The following LINS1 variants were observed in gnomAD, a reference collection of about 807,000 sequenced individuals.
The protein encoded by LINS1 is lines homolog 1, also known as protein Lines homolog 1.
Under a neutral mutation model 41.6 loss-of-function variants are expected in LINS1, and 27 were observed. The observed-to-expected ratio is 0.65, with a 90% CI of 0.48 to 0.89. The LOEUF is 0.89. Among genes scored for constraint, LINS1 ranks in the 40% least tolerant of loss-of-function variants. LINS1 has a pLI of 0.00. For missense variants in LINS1, 955 were observed against 884.1 expected (o/e 1.08, Z -1.02); for synonymous variants, 336 against 312.9 (o/e 1.07, Z -0.78).
chr15:100,601,076 G>A (rs547941171), intron 1 of LINS1, among the ~76,000 whole-genome samples: 2 of 152,258 alleles, frequency 1.3e-5, no homozygotes, highest in South Asian at 4.1e-4. Context: ...CAGAGGCTTT[G>A]CATTTCTAAT....
chr15:100,570,232 C>T, intron 6 of LINS1, 115 bp from the exon 7 acceptor site: 1 of 840,470 alleles, frequency 1.2e-6, no homozygotes, highest in Non-Finnish European at 1.8e-6. Flanking sequence ...TAAATCTATG[C>T]ATCACTTCTT....
chr15:100,588,292 C>A (rs182866795), intron 1 of LINS1, among the ~76,000 whole-genome samples: 112 of 152,330 alleles, frequency 7.4e-4, no homozygotes, highest in African/African-American at 2.6e-3. Flanking sequence ...TGTACTTTCT[C>A]TTTTCACAAT....
intron 1 of LINS1, among the ~76,000 whole-genome samples, chr15:100,600,665 A>G (rs779030042): frequency 6.6e-6 from 1 of 151,810 alleles, no homozygotes; most frequent in Non-Finnish European, 1.5e-5. Flanking sequence ...ATTATAATTC[A>G]GCTACTAATT....
rs141962847 is a variant in LINS1 at position 100,572,003 on chromosome 15, G to A, written c.1285C>T (p.Leu429=). 1,441 of 1,614,208 alleles carry A rather than the reference G, an allele frequency of 8.9e-4. 10 individuals carry two copies. The African/African-American group carries it at 0.015, about 17-fold the overall frequency. The change falls in exon 6 of 7, where the codon CTG becomes TTG. Residue 429 remains leucine, a synonymous_variant. Coordinates refer to ENST00000314742, the MANE Select transcript of LINS1 (RefSeq NM_001040616.3). Reference sequence around the variant, plus strand: ...CATTTGCACGGATTGTGTAATTGCAGAGAGGGCTGAAGATGAGGCTTTAAG... The same window carrying A: ...CATTTGCACGGATTGTGTAATTGCAAAGAGGGCTGAAGATGAGGCTTTAAG... The part of the protein sequence containing the change: ...TFLKPHLQPS[L]QLHNPCKWLS...
intron 1 of LINS1, among the ~76,000 whole-genome samples, chr15:100,588,557 A>T (rs970230109): frequency 5.3e-5 from 8 of 152,230 alleles, no homozygotes; most frequent in African/African-American, 1.9e-4. Flanking sequence ...ACAAATGTAA[A>T]CATTTGGTCT....
chr15:100,569,519 C>A lies in LINS1; in HGVS notation c.1993G>T (p.Gly665Trp). The change falls in exon 7 of 7, where the codon GGG becomes TGG. Residue 665 changes from glycine to tryptophan, a missense_variant. Gly to Trp is a radical substitution (Grantham distance 184). Transcript: ENST00000314742. ...AATTCTTTTTTATCCCTGCTTGTCCCAGCTGCATCCTGAATCTCCTTAGTT... is the reference window on the plus strand; with the variant it reads ...AATTCTTTTTTATCCCTGCTTGTCCAAGCTGCATCCTGAATCTCCTTAGTT... ...QATKEIQDAA[G>W]TSRDKKEFSL... 1.2e-6 allele frequency: 2 copies of A among 1,614,222 alleles called. No individual in the cohort carries two copies. Among genetic ancestry groups the A allele is most frequent in the Non-Finnish European group, 1.7e-6 (2 of 1,180,038 alleles).
At position 100,580,284 on chromosome 15, in the gene LINS1, T is replaced by C. The variant is rs759906898; in HGVS notation, c.468A>G (p.Leu156=). Residue 156 remains leucine (L), a synonymous_variant, in exon 3 of 7, where the codon CTA becomes CTG. Transcript: ENST00000314742. ...HMAAQCLALL[L]YFQLREKITL... ...TTACCTTTTCTCTCAATTGGAAATA[T>C]AGAAGCAATGCAAGGCACTGTGCAG... 18 of 1,608,538 alleles carry C rather than the reference T, an allele frequency of 1.1e-5. No individual in the cohort carries two copies. The highest frequency in any genetic ancestry group is 5.3e-5 in the African/African-American group (4 of 74,778).
At chr15:100,574,815 CTTT>C (rs201916286) in intron 4 of LINS1, among the ~76,000 whole-genome samples, 169 bp downstream of exon 4, 2 of 152,076 alleles carry the variant, frequency 1.3e-5, no homozygotes, top group African/African-American at 4.8e-5. Context: ...TTTCCTTATA[CTTT>C]TTTTTCTTTT....
intron 1 of LINS1, among the ~76,000 whole-genome samples, chr15:100,600,754 A>G (rs1292546825): frequency 6.6e-6 from 1 of 152,210 alleles, no homozygotes; most frequent in Non-Finnish European, 1.5e-5. Flanking sequence ...AAAATTAAAA[A>G]GCTGAATCTA....
chr15:100,595,368 C>T (rs1195295303), intron 1 of LINS1, among the ~76,000 whole-genome samples: 1 of 151,794 alleles, frequency 6.6e-6, no homozygotes, highest in East Asian at 1.9e-4. Context: ...CAAAATGGAT[C>T]AGACATGCAC....
chr15:100,599,324 AG>A (rs2039373390), intron 1 of LINS1, among the ~76,000 whole-genome samples: 1 of 152,266 alleles, frequency 6.6e-6, no homozygotes, highest in East Asian at 1.9e-4. Flanking sequence ...CAAATCTGAT[AG>A]CACCAATTCA....
intron 1 of LINS1, among the ~76,000 whole-genome samples, chr15:100,600,299 G>A (rs948896099): frequency 2.0e-5 from 3 of 152,038 alleles, no homozygotes; most frequent in African/African-American, 7.3e-5. Flanking sequence ...TCTTTATCAT[G>A]CTGGCTCAGG....
In LINS1 at chr15:100,570,004, C is replaced by G; in HGVS notation, c.1508G>C (p.Gly503Ala). Residue 503 changes from glycine (G) to alanine (A), a missense_variant, in exon 7 of 7, where the codon GGA becomes GCA. Transcript: ENST00000314742. ...GTCAAGAAGAACTGTGGAATCAAAT[C>G]CTATATTTTTCAAGAAGAACAAGAA... is the stretch of plus-strand genomic sequence containing the variant. Reference protein sequence around the residue: ...CIFLFFLKNIGFDSTVLLDFL... With the variant: ...CIFLFFLKNIAFDSTVLLDFL... The G allele has an allele frequency of 6.4e-7, 1 of 1,556,696 alleles. No individual in the cohort carries two copies. The highest frequency in any genetic ancestry group is 8.7e-7 in the Non-Finnish European group (1 of 1,155,332).
Position 100,571,975 on chromosome 15 carries a change from A to G in LINS1, c.1313T>C (p.Leu438Pro). The G allele has an allele frequency of 6.2e-7, 1 of 1,614,252 alleles. No homozygotes were observed. The part of the protein sequence containing the change: ...SLQLHNPCKW[L>P]SRVFIEQDDD... ...GTCTTGTTCTATGAAAACCCGAGACAGCCATTTGCACGGATTGTGTAATTG... is the reference window on the plus strand; with the variant it reads ...GTCTTGTTCTATGAAAACCCGAGACGGCCATTTGCACGGATTGTGTAATTG... Residue 438 changes from leucine to proline, a missense_variant, in exon 6 of 7, where the codon CTG becomes CCG. By Grantham distance (98) the Leu-to-Pro change is moderately conservative (BLOSUM62 -3). Coordinates refer to ENST00000314742, the MANE Select transcript of LINS1 (RefSeq NM_001040616.3).
intron 3 of LINS1, among the ~76,000 whole-genome samples, chr15:100,578,744 T>TG (rs2038343825): frequency 6.6e-6 from 1 of 152,196 alleles, no homozygotes; most frequent in African/African-American, 2.4e-5. Context: ...ATTGTGGCAC[T>TG]ACTCACAATA....
rs769872365 is a variant in LINS1 at position 100,567,587 on chromosome 15, C to T, written c.*1651G>A. 6.6e-6 allele frequency: 1 copy of T among 152,156 alleles called. No individual in the cohort carries two copies. The highest frequency in any genetic ancestry group is 2.4e-5 in the African/African-American group (1 of 41,428). 9.4% of individuals were successfully genotyped at this position (152,156 alleles called of 1,614,324 possible). A position where few individuals can be genotyped will look rare whatever the true frequency, so the allele number is the denominator to read the frequency against. ...TTCACATCCACAAACGTGCATAGAA[C>T]GCATCTACCATTCCACTGACTATAC... On this transcript the variant is annotated 3_prime_UTR_variant, in exon 7 of 7. Transcript: ENST00000314742.
At chr15:100,572,915 A>G in intron 5 of LINS1, 1 of 686,262 alleles carries the variant, frequency 1.5e-6, no homozygotes, top group Non-Finnish European at 1.8e-6. Flanking sequence ...ATTAATACAA[A>G]TGGGGTGGGG....
chr15:100,569,277 G>C lies in LINS1; in HGVS notation c.2235C>G (p.Tyr745Ter). The C allele has an allele frequency of 6.2e-7, 1 of 1,606,468 alleles. No homozygotes were observed. Among genetic ancestry groups the C allele is most frequent in the Non-Finnish European group, 8.5e-7 (1 of 1,173,100 alleles). Reference protein sequence around the residue: ...NPTALLKLLKYIEVISNKTMN... With the variant: ...NPTALLKLLK ...TAGTTTTATTACTTATCACCTCTAT[G>C]TATTTTAACAACTTCAAAAGTGCAG... Residue 745 changes from tyrosine (Y) to a stop codon, truncating the protein, a stop_gained, in exon 7 of 7, where the codon TAC (tyrosine) becomes TAG (stop). Coordinates refer to ENST00000314742, the MANE Select transcript of LINS1 (RefSeq NM_001040616.3). LOFTEE classifies it low-confidence loss of function (END_TRUNC).
chr15:100,575,659 C>T (rs1277523599), intron 3 of LINS1, among the ~76,000 whole-genome samples: 3 of 152,188 alleles, frequency 2.0e-5, no homozygotes, highest in African/African-American at 7.2e-5. Context: ...GAATTCAGCT[C>T]TGCACCAAGC....
Sources: allele counts gnomAD v4.1 joint callset (sites outside exome capture counted in the v4.1 genomes callset), GRCh38; gene constraint gnomAD v4.1.1; transcripts MANE v1.5; gene names NCBI Gene and HGNC (gene_info 2026-07-23, HGNC 2026-07-21).